CCDC78: variants seen among roughly 807,000 people sequenced by gnomAD.
CCDC78 encodes coiled-coil domain containing 78.
Under a neutral mutation model 61.9 loss-of-function variants are expected in CCDC78, and 78 were observed. The observed-to-expected ratio is 1.26, with a 90% CI of 1.05 to 1.52. The LOEUF (loss-of-function observed/expected upper bound fraction) is 1.52. Among genes scored for constraint, CCDC78 ranks in the 40% most tolerant of loss-of-function variants. The pLI is 0.00. For synonymous variants in CCDC78, 287 were observed against 251.9 expected (o/e 1.14, Z -1.32); for missense variants, 737 against 615.5 (o/e 1.20, Z -2.09).
At chr16:726,831 C>T (rs1435174824), upstream of CCDC78, 1 of 174,170 alleles carries the variant, frequency 5.7e-6, no homozygotes, top group Non-Finnish European at 1.4e-5. Flanking sequence ...CATCAGGGGC[C>T]GGAGAACTCG....
rs2040363141 is a variant in CCDC78 at position 722,974 on chromosome 16, C to T, written c.1249G>A (p.Ala417Thr). The T allele has an allele frequency of 6.2e-7, 1 of 1,612,476 alleles. No individual in the cohort carries two copies. Among genetic ancestry groups the T allele is most frequent in the East Asian group, 2.2e-5 (1 of 44,880 alleles). ...TGTAGCTCAGAAAGTTGCTCTTCAG[C>T]CATCGTGGCCCGGACCAGCAGCTGT... Reference protein sequence around the residue: ...RAQLLVRATMAEEQLSELQEY... With the variant: ...RAQLLVRATMTEEQLSELQEY... Residue 417 changes from alanine to threonine, a missense_variant, in exon 13 of 14, where the codon GCT becomes ACT. Coordinates refer to ENST00000345165, the MANE Select transcript of CCDC78 (RefSeq NM_001378030.1).
chr16:723,837 A>C lies in CCDC78; in HGVS notation c.1133+20T>G. The C allele has an allele frequency of 6.4e-7, 1 of 1,564,470 alleles. No homozygotes were observed. Among genetic ancestry groups the C allele is most frequent in the African/African-American group, 1.4e-5 (1 of 73,676 alleles). On this transcript the variant is annotated intron_variant, in intron 11 of 13. Coordinates refer to ENST00000345165, the MANE Select transcript of CCDC78 (RefSeq NM_001378030.1). Reference sequence around the variant, plus strand: ...TGCTCATCCCCCACAGGCCTCCCCCACACCCATGAGGGCACTCACTGTGGC... The same window carrying C: ...TGCTCATCCCCCACAGGCCTCCCCCCCACCCATGAGGGCACTCACTGTGGC...
At position 724,410 on chromosome 16, in the gene CCDC78, C is replaced by T; in HGVS notation, c.865G>A (p.Glu289Lys). The change falls in exon 9 of 14, where the codon GAG becomes AAG. Residue 289 changes from glutamate to lysine, a missense_variant. Transcript: ENST00000345165. The stretch of plus-strand genomic sequence containing the variant: ...CGGGCAGCCCGGGCCAGCTGCTGCT[C>T]ACGGCTGCGGTGCGCTGCCCGGATG... ...EDIRAAHRSR[E>K]QQLARAARSY... 6.2e-7 allele frequency: 1 copy of T among 1,610,456 alleles called. No homozygotes were observed. The highest frequency in any genetic ancestry group is 8.5e-7 in the Non-Finnish European group (1 of 1,179,960).
In CCDC78 at chr16:723,709, C is replaced by T. The variant is rs546527439; in HGVS notation, c.1133+148G>A. ...GTCGCCGGGACCCACGGAGGGACCC[C>T]AGGGTGGGGATGTGCCACTGAGTGC... is the stretch of plus-strand genomic sequence containing the variant. On this transcript the variant is annotated intron_variant, in intron 11 of 13. Transcript: ENST00000345165. The T allele has an allele frequency of 1.6e-3, 1,222 of 748,280 alleles. 3 individuals carry two copies. The highest frequency in any genetic ancestry group is 0.011 in the Middle Eastern group (50 of 4,432). The allele number at this position is 748,280 out of a possible 1,614,324, so 46.4% of individuals were successfully genotyped here.
At chr16:726,463 C>G (rs553398838), upstream of CCDC78, 203 of 1,430,964 alleles carry the variant, frequency 1.4e-4, no homozygotes, top group Non-Finnish European at 1.9e-4. Context: ...AAGTGCGTTG[C>G]CAAGGCCTCT....
chr16:726,379 C>T lies in CCDC78; in HGVS notation c.-12G>A. ...GCTGCGTGCTCCATAGGCTAGGGAA[C>T]CCTGGCCAGCTCCGAGCCCGGTGCT... On this transcript the variant is annotated 5_prime_UTR_variant, in exon 1 of 14. Transcript: ENST00000345165. The T allele has an allele frequency of 6.6e-7, 1 of 1,524,164 alleles. No individual in the cohort carries two copies. The highest frequency in any genetic ancestry group is 8.8e-7 in the Non-Finnish European group (1 of 1,142,140). 94.4% of individuals were successfully genotyped at this position (1,524,164 alleles called of 1,614,324 possible). A position where few individuals can be genotyped will look rare whatever the true frequency, so the allele number is the denominator to read the frequency against.
At chr16:725,212 C>T in intron 5 of CCDC78, 25 bp downstream of exon 5, 1 of 1,610,422 alleles carries the variant, frequency 6.2e-7, no homozygotes, top group Middle Eastern at 1.6e-4. Context: ...GCCCTCTCCC[C>T]TGAGCTAGGT....
Position 724,147 on chromosome 16 carries a change from G to T in CCDC78, c.1012C>A (p.Pro338Thr), listed in dbSNP as rs951170993. ...CTGAAGTCAGTGACCAGGGGCACGG[G>T]CAATGGTTCCAGGTCCAAGCTGGCT... ...DIASLDLEPL[P>T]VPLVTDFSHR... The change falls in exon 10 of 14, where the codon CCC becomes ACC. Residue 338 changes from proline (P) to threonine (T), a missense_variant. Coordinates refer to ENST00000345165, the MANE Select transcript of CCDC78 (RefSeq NM_001378030.1). 4 of 1,605,190 alleles carry T rather than the reference G, an allele frequency of 2.5e-6. No individual in the cohort carries two copies. The African/African-American group carries it at 5.4e-5, about 21-fold the overall frequency.
intron 13 of CCDC78, 39 bp from the exon 14 acceptor site, chr16:722,828 G>A (rs1280119217): frequency 1.2e-6 from 2 of 1,609,966 alleles, no homozygotes; most frequent in Non-Finnish European, 1.7e-6. Context: ...TTGCCCAGCT[G>A]TGGACAGGTC....
chr16:725,382 C>T (rs2040787133), intron 4 of CCDC78, 31 bp downstream of exon 4: 1 of 1,611,874 alleles, frequency 6.2e-7, no homozygotes, highest in Non-Finnish European at 8.5e-7. Flanking sequence ...CTGGCCTTTC[C>T]CAGCCAGGCT....
intron 11 of CCDC78, 138 bp from the exon 12 acceptor site, chr16:723,299 C>G (rs1038699884): frequency 1.1e-6 from 1 of 951,554 alleles, no homozygotes; most frequent in African/African-American, 1.7e-5. Context: ...GGGCCCCCCC[C>G]GTGCTCCTGT....
In CCDC78 at chr16:723,134, C is replaced by T; in HGVS notation, c.1161G>A (p.Gln387=). Residue 387 remains glutamine, a synonymous_variant, in exon 12 of 14, where the codon CAG becomes CAA. Transcript: ENST00000345165. ...PQGLDAASWA[Q]IHQKLRDFSR... is the part of the protein sequence containing the mutation. The stretch of plus-strand genomic sequence containing the variant: ...AGAAGTCCCGGAGCTTCTGGTGGAT[C>T]TGGGCCCAGGATGCAGCGTCCAGGC... 1.9e-6 allele frequency: 3 copies of T among 1,612,672 alleles called. No individual in the cohort carries two copies. The highest frequency in any genetic ancestry group is 8.5e-7 in the Non-Finnish European group (1 of 1,180,004).
In CCDC78 at chr16:725,565, T is replaced by C. The variant is rs1264734243; in HGVS notation, c.283A>G (p.Ser95Gly). The C allele has an allele frequency of 1.9e-6, 3 of 1,608,736 alleles. No individual in the cohort carries two copies. In the African/African-American group the frequency reaches 4.0e-5, roughly 21 times the overall value. Residue 95 changes from serine to glycine, a missense_variant, in exon 4 of 14, where the codon AGC becomes GGC. Transcript: ENST00000345165. ...QLKSEILRLE[S>G]RVLELELRGD... The stretch of plus-strand genomic sequence containing the variant: ...CGCAGCTCCAGCTCCAGTACCCGGC[T>C]CTCCAGCCGAAGGATCTGTGGGACA...
Position 724,593 on chromosome 16 carries a change from C to T in CCDC78, c.766-84G>A, listed in dbSNP as rs557894563. 56 of 1,561,346 alleles carry T rather than the reference C, an allele frequency of 3.6e-5. No homozygotes were observed. The African/African-American group carries it at 4.0e-4, about 11-fold the overall frequency. On this transcript the variant is annotated intron_variant, in intron 8 of 13. Transcript: ENST00000345165. Reference sequence around the variant, plus strand: ...CCCACCCCAGCAGGCTGAGCAGTGCCGGGGCCCTGGGGTCTCCCTGAAGCT... The same window carrying T: ...CCCACCCCAGCAGGCTGAGCAGTGCTGGGGCCCTGGGGTCTCCCTGAAGCT...
rs759584555 is a variant in CCDC78, at chr16:723,840, C to T, written c.1133+17G>A. On this transcript the variant is annotated intron_variant, in intron 11 of 13. Transcript: ENST00000345165. ...TCATCCCCCACAGGCCTCCCCCACA[C>T]CCATGAGGGCACTCACTGTGGCTCT... is the stretch of plus-strand genomic sequence containing the variant. The T allele has an allele frequency of 1.9e-6, 3 of 1,568,170 alleles. No individual in the cohort carries two copies. The highest frequency in any genetic ancestry group is 3.7e-5 in the Admixed American group (2 of 53,600).
At chr16:726,636 G>T, upstream of CCDC78, 1 of 531,016 alleles carries the variant, frequency 1.9e-6, no homozygotes. Context: ...GGAACCAGGT[G>T]CGTGAAAGCG....
At chr16:726,111 C>T (rs895385254) in intron 1 of CCDC78, 26 bp from the exon 2 acceptor site, 3 of 1,549,368 alleles carry the variant, frequency 1.9e-6, no homozygotes, top group Middle Eastern at 1.7e-4. Flanking sequence ...CACCCATTCC[C>T]CAGGTGGGTC....
In CCDC78 at chr16:722,630, C is replaced by G. The variant is rs1488919248; in HGVS notation, c.*48G>C. 6.3e-6 allele frequency: 10 copies of G among 1,591,054 alleles called. No individual in the cohort carries two copies. In the East Asian group the frequency reaches 2.2e-4, roughly 36 times the overall value. ...TTATGGGGGGCTGGGTGGGAGGGTT[C>G]TGTGCTGGCTGAGGAGCTCTGCTCT... On this transcript the variant is annotated 3_prime_UTR_variant, in exon 14 of 14. Transcript: ENST00000345165.
rs1163408285 is a variant in CCDC78 at position 725,749 on chromosome 16, C to T, written c.267+45G>A. 4.4e-6 allele frequency: 7 copies of T among 1,578,316 alleles called. No homozygotes were observed. In the Admixed American group the frequency reaches 9.1e-5, roughly 21 times the overall value. On this transcript the variant is annotated intron_variant, in intron 3 of 13. Coordinates refer to ENST00000345165, the MANE Select transcript of CCDC78 (RefSeq NM_001378030.1). The stretch of plus-strand genomic sequence containing the variant: ...GCAGGGCACGTGTCCTGGGCCTGCA[C>T]CCCCCGTCCCCCATGCACTGAGGCT...
Sources: allele counts gnomAD v4.1 joint callset, GRCh38; gene constraint gnomAD v4.1.1; transcripts MANE v1.5; gene names NCBI Gene and HGNC (gene_info 2026-07-23, HGNC 2026-07-21).